The following CDK14 variants were observed in gnomAD, a reference collection of about 807,000 sequenced individuals.
CDK14 encodes cyclin dependent kinase 14, also known as cyclin-dependent kinase 14.
In CDK14, 34 loss-of-function variants were observed where a neutral mutation model predicts 60.7. The observed-to-expected ratio is 0.56, with a 90% confidence interval of 0.43 to 0.75. The LOEUF (loss-of-function observed/expected upper bound fraction) is 0.75, where lower values mean the gene tolerates loss of function less well. CDK14 is among the 30% of genes least tolerant of loss of function. The probability of loss-of-function intolerance (pLI) is 0.00; values close to 1 mark genes in which losing one functional copy is unlikely to be tolerated. For missense variants in CDK14, 482 were observed against 564.1 expected (o/e 0.85, Z 1.47); for synonymous variants, 197 against 203.7 (o/e 0.97, Z 0.28).
intron 2 of CDK14, among the ~76,000 whole-genome samples, chr7:90,667,760 G>A (rs1584781009): frequency 6.6e-6 from 1 of 151,994 alleles, no homozygotes; most frequent in African/African-American, 2.4e-5. Flanking sequence ...TATTGGAGAC[G>A]GGGTTTCACC....
chr7:91,055,401 A>G (rs542778236), intron 11 of CDK14, among the ~76,000 whole-genome samples: 1 of 152,312 alleles, frequency 6.6e-6, no homozygotes, highest in South Asian at 2.1e-4. Flanking sequence ...GATGTACTTG[A>G]AGAATTTCAC....
At chr7:90,638,532 A>C (rs1466594449) in intron 2 of CDK14, among the ~76,000 whole-genome samples, 1 of 152,280 alleles carries the variant, frequency 6.6e-6, no homozygotes, top group African/African-American at 2.4e-5. Flanking sequence ...CTTTGTGGGT[A>C]ACCTGACCTT....
intron 14 of CDK14, among the ~76,000 whole-genome samples, chr7:91,181,817 T>C (rs888975164): frequency 1.2e-4 from 18 of 152,172 alleles, no homozygotes; most frequent in Admixed American, 9.2e-4. Context: ...CCTTTCTTTC[T>C]GGCATGACAA....
intron 3 of CDK14, among the ~76,000 whole-genome samples, chr7:90,740,679 T>C (rs533112959): frequency 2.0e-5 from 3 of 152,312 alleles, no homozygotes; most frequent in East Asian, 3.9e-4. Flanking sequence ...AAGTATGTGA[T>C]GTTTTGTTAT....
At chr7:90,643,646 A>G (rs1303534031) in intron 2 of CDK14, among the ~76,000 whole-genome samples, 2 of 152,134 alleles carry the variant, frequency 1.3e-5, no homozygotes, top group African/African-American at 4.8e-5. Context: ...ACCGCTTTAT[A>G]ATAATACAGC....
At chr7:90,848,241 G>A (rs574549016) in intron 5 of CDK14, among the ~76,000 whole-genome samples, 2 of 152,178 alleles carry the variant, frequency 1.3e-5, no homozygotes, top group African/African-American at 2.4e-5. Context: ...AGCTGGGACT[G>A]CAGGCTTGCA....
intron 2 of CDK14, among the ~76,000 whole-genome samples, chr7:90,612,871 T>G (rs1799574374): frequency 6.6e-6 from 1 of 152,016 alleles, no homozygotes; most frequent in African/African-American, 2.4e-5. Context: ...GAACCTTCCA[T>G]GCAAGAGGTC....
At chr7:91,031,193 G>C (rs911660935) in intron 10 of CDK14, among the ~76,000 whole-genome samples, 1 of 152,098 alleles carries the variant, frequency 6.6e-6, no homozygotes, top group Non-Finnish European at 1.5e-5. Flanking sequence ...CCAATATTTT[G>C]TTTTTGCACT....
At chr7:91,158,201 A>G (rs911099793) in intron 14 of CDK14, among the ~76,000 whole-genome samples, 9 of 148,616 alleles carry the variant, frequency 6.1e-5, no homozygotes, top group Non-Finnish European at 1.3e-4. Context: ...TATATAATAT[A>G]TTATATGTTT....
intron 11 of CDK14, among the ~76,000 whole-genome samples, chr7:91,078,901 C>G (rs1220775275): frequency 6.6e-6 from 1 of 152,086 alleles, no homozygotes; most frequent in Non-Finnish European, 1.5e-5. Flanking sequence ...CAAACATGTT[C>G]CTTTTTAAAC....
chr7:90,661,756 A>G (rs1800869421), intron 2 of CDK14, among the ~76,000 whole-genome samples: 1 of 152,122 alleles, frequency 6.6e-6, no homozygotes, highest in Non-Finnish European at 1.5e-5. Context: ...GCTAGGACTG[A>G]TTCTTCTGTT....
intron 14 of CDK14, among the ~76,000 whole-genome samples, chr7:91,154,031 A>C (rs1416883952): frequency 6.6e-6 from 1 of 152,166 alleles, no homozygotes; most frequent in African/African-American, 2.4e-5. Flanking sequence ...AAATATGTTC[A>C]TTGAAAAATT....
At chr7:90,980,060 CA>C (rs1165498371) in intron 9 of CDK14, among the ~76,000 whole-genome samples, 1 of 151,964 alleles carries the variant, frequency 6.6e-6, no homozygotes, top group East Asian at 1.9e-4. Context: ...GTACTGACAA[CA>C]AATTGTCAAT....
chr7:90,598,946 C>T (rs909782703), intron 1 of CDK14, among the ~76,000 whole-genome samples: 25 of 151,836 alleles, frequency 1.6e-4, no homozygotes, highest in Non-Finnish European at 3.2e-4. Context: ...CCTCGTGATC[C>T]GCCCGCCTCG....
chr7:90,626,012 A>G (rs1472770788), intron 2 of CDK14, among the ~76,000 whole-genome samples: 1 of 152,226 alleles, frequency 6.6e-6, no homozygotes, highest in East Asian at 1.9e-4. Flanking sequence ...AAGAAGAACT[A>G]TGAGTTAATT....
At chr7:90,971,479 A>G (rs1794930648) in intron 9 of CDK14, among the ~76,000 whole-genome samples, 2 of 152,128 alleles carry the variant, frequency 1.3e-5, no homozygotes, top group South Asian at 2.1e-4. Context: ...CATGCCATGG[A>G]CAAAGACTAA....
chr7:90,663,672 TAAAAC>T (rs1383735605), intron 2 of CDK14, among the ~76,000 whole-genome samples: 1 of 152,198 alleles, frequency 6.6e-6, no homozygotes, highest in Non-Finnish European at 1.5e-5. Context: ...TTGGTTTTAA[TAAAAC>T]AAAAACAGAT....
At chr7:91,097,601 A>T (rs1799032658) in intron 12 of CDK14, among the ~76,000 whole-genome samples, 1 of 151,476 alleles carries the variant, frequency 6.6e-6, no homozygotes, top group Non-Finnish European at 1.5e-5. Flanking sequence ...GAGAAAAAAA[A>T]AACAAGCTAT....
intron 6 of CDK14, among the ~76,000 whole-genome samples, chr7:90,873,089 T>C (rs1164643038): frequency 6.6e-6 from 1 of 152,222 alleles, no homozygotes; most frequent in East Asian, 1.9e-4. Context: ...CCATATGTCT[T>C]AAGAAAACAA....
Sources: allele counts gnomAD v4.1 joint callset (sites outside exome capture counted in the v4.1 genomes callset), GRCh38; gene constraint gnomAD v4.1.1; transcripts MANE v1.5; gene names NCBI Gene and HGNC (gene_info 2026-07-23, HGNC 2026-07-21).